The following CDH12 variants were observed in gnomAD, a reference collection of about 807,000 sequenced individuals.
CDH12 encodes the protein cadherin 12.
In CDH12, 41 loss-of-function variants were observed where a neutral mutation model predicts 74.1. The ratio of observed to expected loss-of-function variants is 0.55; its 90% CI spans 0.43 to 0.72. CDH12 has a LOEUF of 0.72. Among genes scored for constraint, CDH12 ranks in the 30% least tolerant of loss-of-function variants. The probability of loss-of-function intolerance (pLI) is 0.00; values close to 1 mark genes in which losing one functional copy is unlikely to be tolerated. For missense variants in CDH12, 945 were observed against 977.2 expected (o/e 0.97, Z 0.44); for synonymous variants, 399 against 355.0 (o/e 1.12, Z -1.39).
chr5:21,770,880 A>G (rs910700402), intron 11 of CDH12, among the ~76,000 whole-genome samples: 12 of 152,160 alleles, frequency 7.9e-5, no homozygotes, highest in African/African-American at 2.7e-4. Context: ...CTATGGGGCC[A>G]TAAGAAAGAA....
At chr5:22,526,364 T>C (rs894823185) in intron 1 of CDH12, among the ~76,000 whole-genome samples, 1 of 152,190 alleles carries the variant, frequency 6.6e-6, no homozygotes, top group African/African-American at 2.4e-5. Context: ...GTGATCAATA[T>C]TTCTGCATAT....
intron 3 of CDH12, among the ~76,000 whole-genome samples, chr5:22,281,794 C>T (rs1037553338): frequency 3.3e-5 from 5 of 152,286 alleles, no homozygotes; most frequent in African/African-American, 1.2e-4. Context: ...AATGGCCATA[C>T]TGCCCAAAGG....
chr5:22,449,921 C>A (rs1744976772), intron 2 of CDH12, among the ~76,000 whole-genome samples: 1 of 151,824 alleles, frequency 6.6e-6, no homozygotes, highest in Admixed American at 6.6e-5. Context: ...TATTGCCAAC[C>A]TCTCCTTTTC....
chr5:21,848,143 A>G (rs1351522871), intron 7 of CDH12, among the ~76,000 whole-genome samples: 1 of 152,082 alleles, frequency 6.6e-6, no homozygotes, highest in Non-Finnish European at 1.5e-5. Context: ...CTCATGATGT[A>G]ATTTTGAAGA....
At chr5:22,817,924 A>G (rs1305823976) in intron 1 of CDH12, among the ~76,000 whole-genome samples, 1 of 152,150 alleles carries the variant, frequency 6.6e-6, no homozygotes, top group Non-Finnish European at 1.5e-5. Flanking sequence ...GCCGTTAGTT[A>G]TATTCCAAGT....
At chr5:22,102,253 C>T (rs1309496607) in intron 4 of CDH12, among the ~76,000 whole-genome samples, 8 of 152,016 alleles carry the variant, frequency 5.3e-5, no homozygotes, top group Non-Finnish European at 1.0e-4. Flanking sequence ...AGAGCTTTCT[C>T]CATCCTTTAC....
chr5:22,200,322 T>C (rs1358970412), intron 4 of CDH12, among the ~76,000 whole-genome samples: 2 of 152,144 alleles, frequency 1.3e-5, no homozygotes, highest in African/African-American at 4.8e-5. Flanking sequence ...TAGGAATTAG[T>C]GTAGCTCCCC....
intron 6 of CDH12, among the ~76,000 whole-genome samples, chr5:21,860,028 T>A (rs1025092492): frequency 1.3e-5 from 2 of 151,608 alleles, no homozygotes. Context: ...AAAAAAAACA[T>A]GACCTGCTGA....
intron 1 of CDH12, among the ~76,000 whole-genome samples, chr5:22,700,234 C>A (rs1317688485): frequency 6.6e-6 from 1 of 152,104 alleles, no homozygotes; most frequent in African/African-American, 2.4e-5. Context: ...CCAAGAGATA[C>A]CCTCCAGACC....
chr5:22,560,231 A>G (rs1458441817), intron 1 of CDH12, among the ~76,000 whole-genome samples: 1 of 152,164 alleles, frequency 6.6e-6, no homozygotes, highest in Non-Finnish European at 1.5e-5. Flanking sequence ...GAAATAAGCA[A>G]TTTCGTAAGT....
chr5:22,593,814 CT>C (rs1269109770), intron 1 of CDH12, among the ~76,000 whole-genome samples: 2 of 152,098 alleles, frequency 1.3e-5, no homozygotes, highest in Non-Finnish European at 2.9e-5. Flanking sequence ...GTTTGCTTAC[CT>C]TTTTGTTGCC....
chr5:22,471,398 C>A (rs1023872993), intron 2 of CDH12, among the ~76,000 whole-genome samples: 6 of 152,188 alleles, frequency 3.9e-5, no homozygotes, highest in Non-Finnish European at 7.3e-5. Flanking sequence ...AACACTCTTA[C>A]AATAGCCTTC....
intron 1 of CDH12, among the ~76,000 whole-genome samples, chr5:22,826,602 T>C (rs1736339942): frequency 6.6e-6 from 1 of 152,086 alleles, no homozygotes; most frequent in African/African-American, 2.4e-5. Context: ...CAAATGCTGA[T>C]AGTGATGTGA....
intron 3 of CDH12, among the ~76,000 whole-genome samples, chr5:22,396,173 T>A (rs1742448640): frequency 6.6e-6 from 1 of 152,138 alleles, no homozygotes; most frequent in African/African-American, 2.4e-5. Context: ...TGTCAAAATA[T>A]AAGAACCATG....
At chr5:22,662,477 A>T (rs891365618) in intron 1 of CDH12, among the ~76,000 whole-genome samples, 2 of 152,182 alleles carry the variant, frequency 1.3e-5, no homozygotes, top group African/African-American at 4.8e-5. Flanking sequence ...GAAGATGGAC[A>T]TTAACACATA....
At chr5:22,548,644 G>A (rs950141684) in intron 1 of CDH12, among the ~76,000 whole-genome samples, 1 of 151,922 alleles carries the variant, frequency 6.6e-6, no homozygotes, top group Non-Finnish European at 1.5e-5. Flanking sequence ...CGTGAGAATC[G>A]GTGCCTCTTG....
At chr5:22,689,114 T>C (rs542049008) in intron 1 of CDH12, among the ~76,000 whole-genome samples, 24 of 152,288 alleles carry the variant, frequency 1.6e-4, no homozygotes, top group African/African-American at 5.5e-4. Flanking sequence ...ATGGACAATC[T>C]GTAGTATTCT....
At chr5:22,034,579 G>A (rs1050752205) in intron 5 of CDH12, among the ~76,000 whole-genome samples, 1 of 152,106 alleles carries the variant, frequency 6.6e-6, no homozygotes, top group Admixed American at 6.6e-5. Context: ...CACTAAAGAT[G>A]ACAATTAATA....
chr5:21,860,106 C>T (rs1408653359), intron 6 of CDH12, among the ~76,000 whole-genome samples: 3 of 151,970 alleles, frequency 2.0e-5, no homozygotes, highest in South Asian at 2.1e-4. Context: ...ATACCAGCCA[C>T]GACCACGTGA....
Sources: gnomAD v4.1 joint callset for allele counts (sites outside exome capture counted in the v4.1 genomes callset) on GRCh38, gnomAD v4.1.1 for gene constraint, MANE v1.5 for transcripts, NCBI Gene and HGNC (gene_info 2026-07-23, HGNC 2026-07-21) for gene names.